Variants in UQCC1 observed in about 807,000 individuals in gnomAD.
UQCC1 encodes the protein ubiquinol-cytochrome c reductase complex assembly factor 1, also known as bFGF-repressed Zic-binding protein.
UQCC1 carries 38 observed loss-of-function variants against 48.0 expected under a neutral mutation model. The ratio of observed to expected loss-of-function variants is 0.79; its 90% CI spans 0.61 to 1.04. The LOEUF is 1.04. Ranked by LOEUF, UQCC1 falls within the 50% of genes least tolerant of loss-of-function variation. The pLI, the probability that UQCC1 is intolerant of heterozygous loss-of-function variation, is 0.00. For synonymous variants in UQCC1, 111 were observed against 129.2 expected, an observed-to-expected ratio of 0.86 and a Z score of 0.95; for missense variants, 368 against 381.8, an observed-to-expected ratio of 0.96 and a Z score of 0.30.
At chr20:35,310,644 CAAAAA>C (rs1199768843) in intron 8 of UQCC1, among the ~76,000 whole-genome samples, 2 of 44,150 alleles carry the variant, frequency 4.5e-5, no homozygotes, top group East Asian at 9.4e-4. Flanking sequence ...GACTCTGTCT[CAAAAA>C]AAAAAAAAAA....
intron 2 of UQCC1, among the ~76,000 whole-genome samples, chr20:35,387,209 C>G (rs1459533264): frequency 6.6e-6 from 1 of 152,004 alleles, no homozygotes; most frequent in Non-Finnish European, 1.5e-5. Context: ...TCGTTTGAAC[C>G]CAGAAGGCGG....
At chr20:35,306,829 GAC>G in intron 8 of UQCC1, 50 bp from the exon 9 acceptor site, 1 of 1,408,164 alleles carries the variant, frequency 7.1e-7, no homozygotes, top group Non-Finnish European at 1.0e-6. Flanking sequence ...ACAGAGCCAG[GAC>G]ACAGACGGTG....
In UQCC1 at chr20:35,302,840, T is replaced by C. The variant is rs1286182449; in HGVS notation, c.*1095A>G. The C allele has an allele frequency of 6.6e-6, 1 of 152,276 alleles. No homozygotes were observed. The highest frequency in any genetic ancestry group is 1.5e-5 in the Non-Finnish European group (1 of 68,060). 9.4% of individuals were successfully genotyped at this position (152,276 alleles called of 1,614,324 possible). A position where few individuals can be genotyped will look rare whatever the true frequency, so the allele number is the denominator to read the frequency against. ...ACAGAAGTGGGATATACCTCACCCATATAGAGTTTCTTTATATGACTCATT... is the reference window on the plus strand; with the variant it reads ...ACAGAAGTGGGATATACCTCACCCACATAGAGTTTCTTTATATGACTCATT... On this transcript the variant is annotated 3_prime_UTR_variant, in exon 10 of 10. Coordinates refer to ENST00000374385, the MANE Select transcript of UQCC1 (RefSeq NM_018244.5).
At chr20:35,390,697 A>G (rs2146506489) in intron 2 of UQCC1, among the ~76,000 whole-genome samples, 1 of 152,262 alleles carries the variant, frequency 6.6e-6, no homozygotes, top group Non-Finnish European at 1.5e-5. Flanking sequence ...GTCTCCAAGT[A>G]TCTCCTGACA....
rs1188105321 is a variant in UQCC1 at position 35,381,942 on chromosome 20, C to T, written c.309G>A (p.Thr103=). The T allele has an allele frequency of 1.9e-6, 3 of 1,609,894 alleles. No homozygotes were observed. Among genetic ancestry groups the T allele is most frequent in the Admixed American group, 1.7e-5 (1 of 59,620 alleles). ...CCCATTTACTGTATTTCAAAGGTCCCGTGAATCCCATGGCTTCTATTATCT... is the reference window on the plus strand; with the variant it reads ...CCCATTTACTGTATTTCAAAGGTCCTGTGAATCCCATGGCTTCTATTATCT... ...FTKIIEAMGF[T]GPLKYSKWKI... is the part of the protein sequence containing the mutation. Residue 103 remains threonine (T), a synonymous_variant, in exon 4 of 10, where the codon ACG becomes ACA. Transcript: ENST00000374385.
At position 35,384,209 on chromosome 20, in the gene UQCC1, A is replaced by T. The variant is rs542875469; in HGVS notation, c.130-76T>A. ...ATCTGAACAGAGCTGTTTCAAAGTA[A>T]AGACTATAGGATCTTTCCAACCTTA... On this transcript the variant is annotated intron_variant, in intron 2 of 9. Coordinates refer to ENST00000374385, the MANE Select transcript of UQCC1 (RefSeq NM_018244.5). 2.3e-6 allele frequency: 3 copies of T among 1,313,294 alleles called. No homozygotes were observed. The East Asian group carries it at 7.3e-5, about 32-fold the overall frequency. The allele number at this position is 1,313,294 out of a possible 1,614,324, so 81.4% of individuals were successfully genotyped here.
intron 7 of UQCC1, among the ~76,000 whole-genome samples, chr20:35,326,058 A>G (rs981478823): frequency 6.6e-6 from 1 of 152,194 alleles, no homozygotes; most frequent in African/African-American, 2.4e-5. Context: ...AAGTAACCCT[A>G]GAAGTACAGA....
chr20:35,328,800 G>A (rs1363836526), intron 7 of UQCC1, among the ~76,000 whole-genome samples: 1 of 152,124 alleles, frequency 6.6e-6, no homozygotes, highest in African/African-American at 2.4e-5. Flanking sequence ...GATAACTCCT[G>A]GAAGAAGCCT....
intron 5 of UQCC1, among the ~76,000 whole-genome samples, chr20:35,372,599 C>T (rs536660723): frequency 2.6e-5 from 4 of 152,314 alleles, no homozygotes; most frequent in Middle Eastern, 3.4e-3. Context: ...CCATGGCTCA[C>T]GCCTGTAATC....
At chr20:35,337,823 AC>A (rs772800555) in intron 7 of UQCC1, among the ~76,000 whole-genome samples, 4 of 152,108 alleles carry the variant, frequency 2.6e-5, no homozygotes, top group Non-Finnish European at 5.9e-5. Context: ...CCCTTATCTA[AC>A]ATGTTGGCCC....
chr20:35,396,611 G>A (rs1452874698), intron 1 of UQCC1, among the ~76,000 whole-genome samples: 2 of 152,254 alleles, frequency 1.3e-5, no homozygotes, highest in African/African-American at 4.8e-5. Flanking sequence ...GAAAACACAC[G>A]TGGGCAACTT....
At chr20:35,339,094 C>T (rs557892997) in intron 7 of UQCC1, among the ~76,000 whole-genome samples, 33 of 151,194 alleles carry the variant, frequency 2.2e-4, no homozygotes, top group African/African-American at 7.8e-4. Flanking sequence ...AAAACCGGAC[C>T]TTTTTCAAAG....
intron 7 of UQCC1, among the ~76,000 whole-genome samples, chr20:35,330,754 C>A (rs975726657): frequency 1.4e-4 from 21 of 151,910 alleles, no homozygotes; most frequent in Non-Finnish European, 2.5e-4. Context: ...ACTGTGTTCA[C>A]TCTTGGAAAT....
chr20:35,317,109 T>TG (rs2061069841), intron 7 of UQCC1, among the ~76,000 whole-genome samples: 1 of 151,946 alleles, frequency 6.6e-6, no homozygotes, highest in African/African-American at 2.4e-5. Context: ...CTAATTTTTT[T>TG]GTATTTTTAG....
chr20:35,364,496 C>T (rs112826105), intron 6 of UQCC1, among the ~76,000 whole-genome samples: 2,163 of 152,238 alleles, frequency 0.014, 40 homozygotes, highest in African/African-American at 0.038. Context: ...CTCCAACATC[C>T]CATGGTCCTG....
intron 6 of UQCC1, among the ~76,000 whole-genome samples, chr20:35,355,740 C>T (rs899112109): frequency 3.9e-5 from 6 of 152,186 alleles, no homozygotes; most frequent in African/African-American, 1.4e-4. Flanking sequence ...GTTCCTCTCC[C>T]AAAGACAACC....
intron 2 of UQCC1, among the ~76,000 whole-genome samples, chr20:35,387,226 C>G (rs2061955748): frequency 6.6e-6 from 1 of 152,052 alleles, no homozygotes; most frequent in African/African-American, 2.4e-5. Flanking sequence ...GCGGAGGTTA[C>G]AGTGAGCCAA....
chr20:35,333,632 A>G (rs1174890181), intron 7 of UQCC1, among the ~76,000 whole-genome samples: 1 of 151,980 alleles, frequency 6.6e-6, no homozygotes, highest in Non-Finnish European at 1.5e-5. Flanking sequence ...TCTCTCTCCA[A>G]CAGGAACAGG....
chr20:35,367,346 C>T (rs1404082526), intron 5 of UQCC1, among the ~76,000 whole-genome samples: 2 of 152,148 alleles, frequency 1.3e-5, no homozygotes, highest in East Asian at 1.9e-4. Flanking sequence ...CACTCCCTTA[C>T]TTTTTTCAGT....
Sources: allele counts gnomAD v4.1 joint callset (sites outside exome capture counted in the v4.1 genomes callset), GRCh38; gene constraint gnomAD v4.1.1; transcripts MANE v1.5; gene names NCBI Gene and HGNC (gene_info 2026-07-23, HGNC 2026-07-21).